The following LARP1 variants were observed in gnomAD, a reference collection of about 807,000 sequenced individuals.
LARP1 encodes the protein la-related protein 1.
Under a neutral mutation model 122.7 loss-of-function variants are expected in LARP1, and 36 were observed. The ratio of observed to expected loss-of-function variants is 0.29; its 90% CI spans 0.22 to 0.39. LARP1 has a LOEUF of 0.39. LARP1 is among the 10% of genes least tolerant of loss of function. LARP1 has a pLI of 1.00. For missense variants in LARP1, 1,040 were observed against 1,403.6 expected, an observed-to-expected ratio of 0.74 and a Z score of 4.14; for synonymous variants, 539 against 528.7, an observed-to-expected ratio of 1.02 and a Z score of -0.27.
At chr5:154,687,604 A>G (rs1753996717) in intron 1 of LARP1, among the ~76,000 whole-genome samples, 1 of 152,108 alleles carries the variant, frequency 6.6e-6, no homozygotes, top group Non-Finnish European at 1.5e-5. Flanking sequence ...GATGATCTCA[A>G]TCTCCTGAAC....
In LARP1 at chr5:154,793,629, C is replaced by T; in HGVS notation, c.774C>T (p.Asp258=). Residue 258 remains aspartate, a synonymous_variant, in exon 5 of 19, where the codon GAC becomes GAT. Transcript: ENST00000518297. ...ACAAGTGGGTTCCATTACAAATAGA[C>T]ATGAAGCCTGAAGTGCCCAGAGAGA... ...NKHKWVPLQI[D]MKPEVPREKL... 6.2e-7 allele frequency: 1 copy of T among 1,614,174 alleles called. No homozygotes were observed. The highest frequency in any genetic ancestry group is 8.5e-7 in the Non-Finnish European group (1 of 1,180,034).
rs758211756 is a variant in LARP1 at position 154,793,980 on chromosome 5, G to A, written c.1049G>A (p.Arg350His). The stretch of plus-strand genomic sequence containing the variant: ...CGGGGGCGTGGTCGCGGCCGGGGAC[G>A]CGGCCGGGGTGGCACTCGAAGTACG... ...RGRGRGRGRG[R>H]GRGGTRTHFD... The change falls in exon 6 of 19, where the codon CGC becomes CAC. Residue 350 changes from arginine to histidine, a missense_variant. This residue lies in a region of LARP1 where 178 missense variants were observed against 178.3 expected (regional missense o/e 1.00). Transcript: ENST00000518297. The A allele has an allele frequency of 5.2e-5, 83 of 1,610,664 alleles. No individual in the cohort carries two copies. Among genetic ancestry groups the A allele is most frequent in the Non-Finnish European group, 6.2e-5 (73 of 1,177,746 alleles).
chr5:154,742,518 C>T (rs1752950827), intron 1 of LARP1, among the ~76,000 whole-genome samples: 3 of 152,026 alleles, frequency 2.0e-5, no homozygotes, highest in African/African-American at 4.8e-5. Context: ...ATGATCATGC[C>T]ACTGCACTGT....
chr5:154,732,184 CAAAACAAA>C (rs1756619644), intron 1 of LARP1, among the ~76,000 whole-genome samples: 1 of 22,458 alleles, frequency 4.5e-5, no homozygotes. Flanking sequence ...CAAAACAAAA[CAAAACAAA>C]AAAAAAAAAA....
chr5:154,718,649 C>T (rs1043369459), intron 1 of LARP1: 1 of 152,314 alleles, frequency 6.6e-6, no homozygotes, highest in Non-Finnish European at 1.5e-5. Context: ...CCTAAGCCTC[C>T]TAGGTAGCTG....
upstream of LARP1, among the ~76,000 whole-genome samples, chr5:154,755,287 C>T (rs1753750670): frequency 6.8e-6 from 1 of 147,548 alleles, no homozygotes; most frequent in African/African-American, 2.5e-5. Flanking sequence ...CGTCCCCTCC[C>T]CTCGCCCGCC....
At chr5:154,795,351 G>T (rs775473161) in intron 8 of LARP1, 32 bp downstream of exon 8, 16 of 1,607,544 alleles carry the variant, frequency 1.0e-5, no homozygotes, top group Non-Finnish European at 1.4e-5. Flanking sequence ...TGGGATGCAG[G>T]GGAAAGAAAG....
chr5:154,796,202 A>G (rs2113801556), intron 8 of LARP1, among the ~76,000 whole-genome samples: 1 of 134,506 alleles, frequency 7.4e-6, no homozygotes, highest in South Asian at 2.2e-4. Flanking sequence ...ATATATATAT[A>G]GTTTGTGAGA....
chr5:154,786,292 C>T (rs1403215876), intron 1 of LARP1, among the ~76,000 whole-genome samples: 3 of 152,124 alleles, frequency 2.0e-5, no homozygotes, highest in Admixed American at 6.5e-5. Flanking sequence ...CTGCCCGCCT[C>T]GGCCTCCCAA....
intron 1 of LARP1, chr5:154,729,685 C>T (rs1054009974): frequency 2.7e-5 from 9 of 334,106 alleles, no homozygotes; most frequent in South Asian, 8.5e-5. Flanking sequence ...CCTATGAATT[C>T]GTGGCATAAT....
intron 15 of LARP1, among the ~76,000 whole-genome samples, chr5:154,807,121 A>G (rs1455617749): frequency 3.2e-4 from 48 of 152,206 alleles, no homozygotes; most frequent in Non-Finnish European, 1.0e-4. Flanking sequence ...TATATTTGGT[A>G]TACTAACAAA....
chr5:154,806,875 A>G (rs761370190), intron 15 of LARP1, among the ~76,000 whole-genome samples: 1 of 152,230 alleles, frequency 6.6e-6, no homozygotes, highest in Non-Finnish European at 1.5e-5. Flanking sequence ...AAGTGTACTC[A>G]TATAGTTGTG....
Position 154,713,204 on chromosome 5 carries a change from G to A in LARP1, c.205+74G>A. 3 of 1,314,964 alleles carry A rather than the reference G, an allele frequency of 2.3e-6. No homozygotes were observed. The East Asian group carries it at 7.4e-5, about 32-fold the overall frequency. The allele number at this position is 1,314,964 out of a possible 1,614,324, so 81.5% of individuals were successfully genotyped here. A position where few individuals can be genotyped will look rare whatever the true frequency, so the allele number is the denominator to read the frequency against. ...GGTAGGAAGATCCTTCTCCCTAGGG[G>A]CAGAAACCTTGGGTGCTGGTTCCAG... On this transcript the variant is annotated intron_variant, in intron 1 of 18. Transcript: ENST00000336314.
intron 16 of LARP1, among the ~76,000 whole-genome samples, chr5:154,809,937 G>C (rs1400967498): frequency 6.6e-6 from 1 of 151,784 alleles, no homozygotes; most frequent in African/African-American, 2.4e-5. Context: ...TCGATCTCCT[G>C]ACCTTGTGAT....
intron 1 of LARP1, among the ~76,000 whole-genome samples, chr5:154,695,527 C>T (rs764276157): frequency 4.6e-5 from 7 of 151,190 alleles, no homozygotes; most frequent in Admixed American, 6.6e-5. Context: ...CATGGTGGCG[C>T]GCGCCTGTAA....
chr5:154,782,920 G>A (rs1303605276), intron 1 of LARP1, among the ~76,000 whole-genome samples: 1 of 152,168 alleles, frequency 6.6e-6, no homozygotes, highest in Non-Finnish European at 1.5e-5. Context: ...TGGGAGGAAA[G>A]GCCTGTGGGT....
chr5:154,792,953 A>G (rs1019334104), intron 4 of LARP1, among the ~76,000 whole-genome samples, 157 bp downstream of exon 4: 8 of 152,212 alleles, frequency 5.3e-5, no homozygotes, highest in African/African-American at 1.9e-4. Context: ...GTCTTCAACC[A>G]TCTGTCATTA....
intron 8 of LARP1, 82 bp from the exon 9 acceptor site, chr5:154,799,509 G>A: frequency 6.8e-7 from 1 of 1,480,824 alleles, no homozygotes. Context: ...CAAGCTCAGG[G>A]GAACCCAGTT....
upstream of LARP1, among the ~76,000 whole-genome samples, chr5:154,709,910 C>T (rs1755133496): frequency 6.6e-6 from 1 of 152,024 alleles, no homozygotes; most frequent in South Asian, 2.1e-4. Context: ...TATTTGCAGC[C>T]GCTCCCCAGT....
Sources: gnomAD v4.1 joint callset for allele counts (sites outside exome capture counted in the v4.1 genomes callset) on GRCh38, gnomAD v4.1.1 for gene constraint, gnomAD v4.1.1 regional missense constraint, MANE v1.5 for transcripts, NCBI Gene and HGNC (gene_info 2026-07-23, HGNC 2026-07-21) for gene names.